SNX29: variants seen among roughly 807,000 people sequenced by gnomAD.
SNX29 encodes the protein sorting nexin 29.
A neutral mutation model predicts 102.1 loss-of-function variants in SNX29; 78 were observed. The observed-to-expected ratio is 0.76, with a 90% CI of 0.64 to 0.92. The LOEUF (loss-of-function observed/expected upper bound fraction) is 0.92, where lower values mean the gene tolerates loss of function less well. SNX29 is among the 40% of genes least tolerant of loss of function. The probability of loss-of-function intolerance (pLI) is 0.00; values close to 1 mark genes in which losing one functional copy is unlikely to be tolerated. For missense variants in SNX29, 1,280 were observed against 1,061.7 expected (o/e 1.21, Z -2.86); for synonymous variants, 580 against 414.5 (o/e 1.40, Z -4.85).
chr16:12,129,138 G>A lies in SNX29; in HGVS notation c.1467-492G>A, dbSNP rs1051336056. Among the ~76,000 whole-genome samples, 6 of 152,230 alleles carry A rather than the reference G, an allele frequency of 3.9e-5. 1 individual carries two copies. Among genetic ancestry groups the A allele is most frequent in the Admixed American group, 3.9e-4 (6 of 15,284 alleles). On this transcript the variant is annotated intron_variant, in intron 12 of 20. Transcript: ENST00000566228. ...AACAGGCTCATAGTGTGTTTTATAG[G>A]CACAGGTGGAAATGAGACTAGACGT...
chr16:12,288,678 GA>G (rs532173454), intron 15 of SNX29, among the ~76,000 whole-genome samples: 3,258 of 107,014 alleles, frequency 0.03, 41 homozygotes, highest in African/African-American at 0.042. Flanking sequence ...GACATCTGGG[GA>G]AAAAAAAAAA....
At chr16:12,316,632 C>T (rs2080754975) in intron 15 of SNX29, among the ~76,000 whole-genome samples, 1 of 152,202 alleles carries the variant, frequency 6.6e-6, no homozygotes, top group Non-Finnish European at 1.5e-5. Context: ...CTTCTGTGCC[C>T]CCCAAGGTCT....
At chr16:12,054,717 G>T (rs1334631449) in intron 8 of SNX29, among the ~76,000 whole-genome samples, 1 of 152,152 alleles carries the variant, frequency 6.6e-6, no homozygotes, top group African/African-American at 2.4e-5. Flanking sequence ...CAGTTGTGTG[G>T]AGCAGTTCCT....
intron 15 of SNX29, among the ~76,000 whole-genome samples, chr16:12,342,258 TG>T (rs1271569547): frequency 2.0e-5 from 3 of 152,218 alleles, no homozygotes; most frequent in Non-Finnish European, 4.4e-5. Context: ...AAGTCACAGA[TG>T]TCTGCTGCAT....
intron 18 of SNX29, among the ~76,000 whole-genome samples, chr16:12,457,955 A>G (rs1248313264): frequency 6.6e-6 from 1 of 152,186 alleles, no homozygotes; most frequent in African/African-American, 2.4e-5. Flanking sequence ...AGGTGCAGAG[A>G]GTGTGCCTAT....
chr16:12,081,256 A>T (rs1302659022), intron 11 of SNX29: 1 of 152,262 alleles, frequency 6.6e-6, no homozygotes, highest in African/African-American at 2.4e-5. Context: ...CTCAGTCTTC[A>T]TACTGCTGGG....
intron 20 of SNX29, among the ~76,000 whole-genome samples, chr16:12,555,337 G>C (rs993720569): frequency 2.0e-5 from 3 of 151,846 alleles, no homozygotes; most frequent in Non-Finnish European, 4.4e-5. Context: ...CTTGGCACCT[G>C]AGAAACATGT....
chr16:12,005,697 C>T (rs117265088), intron 3 of SNX29, among the ~76,000 whole-genome samples: 2,962 of 152,232 alleles, frequency 0.019, 45 homozygotes, highest in Non-Finnish European at 0.031. Context: ...TGGAGTATCC[C>T]TCATCCAAAA....
At chr16:12,513,169 C>G (rs958458252) in intron 19 of SNX29, among the ~76,000 whole-genome samples, 2 of 151,326 alleles carry the variant, frequency 1.3e-5, no homozygotes, top group African/African-American at 4.9e-5. Context: ...ACTCCTCTCC[C>G]CTCCCTCCCA....
chr16:12,548,224 C>T (rs1032526681), intron 20 of SNX29, among the ~76,000 whole-genome samples: 2 of 152,170 alleles, frequency 1.3e-5, no homozygotes, highest in Admixed American at 6.5e-5. Flanking sequence ...TGGATCCTGC[C>T]ACAGTGTTAG....
chr16:12,421,659 A>G (rs1486232355), intron 18 of SNX29, among the ~76,000 whole-genome samples: 1 of 152,194 alleles, frequency 6.6e-6, no homozygotes, highest in Non-Finnish European at 1.5e-5. Flanking sequence ...AGGAAACATT[A>G]TAGCTGCTGC....
At chr16:12,353,952 G>A (rs1467352364) in intron 15 of SNX29, among the ~76,000 whole-genome samples, 2 of 152,188 alleles carry the variant, frequency 1.3e-5, no homozygotes, top group Non-Finnish European at 2.9e-5. Flanking sequence ...TTCTGTGGGT[G>A]TTGAAAAATA....
intron 20 of SNX29, among the ~76,000 whole-genome samples, chr16:12,551,332 T>G (rs921762109): frequency 2.0e-5 from 3 of 152,192 alleles, no homozygotes; most frequent in Non-Finnish European, 2.9e-5. Flanking sequence ...CTCAGAGATA[T>G]GTGGAATCAT....
chr16:12,203,445 G>A (rs1234017443), intron 14 of SNX29, among the ~76,000 whole-genome samples: 1 of 151,828 alleles, frequency 6.6e-6, no homozygotes, highest in African/African-American at 2.4e-5. Context: ...CGTCTCTGAA[G>A]TTGTGTAGTG....
chr16:12,190,474 C>T (rs1489209663), intron 13 of SNX29, among the ~76,000 whole-genome samples: 1 of 151,918 alleles, frequency 6.6e-6, no homozygotes, highest in Non-Finnish European at 1.5e-5. Flanking sequence ...AGGGAGCTGT[C>T]ACAAGCCCCA....
chr16:12,559,381 C>T (rs1241017602), intron 20 of SNX29, among the ~76,000 whole-genome samples: 1 of 151,372 alleles, frequency 6.6e-6, no homozygotes, highest in African/African-American at 2.4e-5. Context: ...TGATCTCTCA[C>T]CCTCTCCCAT....
At chr16:12,373,921 C>T (rs943504897) in intron 16 of SNX29, 4 of 152,238 alleles carry the variant, frequency 2.6e-5, no homozygotes, top group Admixed American at 2.6e-4. Flanking sequence ...TCTGGTTTTC[C>T]TGATGTCTCA....
At chr16:12,561,340 G>T (rs1485769307) in intron 20 of SNX29, among the ~76,000 whole-genome samples, 1 of 152,102 alleles carries the variant, frequency 6.6e-6, no homozygotes, top group African/African-American at 2.4e-5. Context: ...TCAAAGTGGT[G>T]AGACTCACAG....
At chr16:12,325,703 C>G (rs963846192) in intron 15 of SNX29, among the ~76,000 whole-genome samples, 1 of 152,048 alleles carries the variant, frequency 6.6e-6, no homozygotes, top group Non-Finnish European at 1.5e-5. Flanking sequence ...AGTAGATTTG[C>G]TCCTTATTTT....
Sources: gnomAD v4.1 joint callset for allele counts (sites outside exome capture counted in the v4.1 genomes callset) on GRCh38, gnomAD v4.1.1 for gene constraint, MANE v1.5 for transcripts, NCBI Gene and HGNC (gene_info 2026-07-23, HGNC 2026-07-21) for gene names.